The following NRG3 variants were observed in gnomAD, a reference collection of about 807,000 sequenced individuals.
NRG3 encodes pro-neuregulin-3, membrane-bound isoform.
A neutral mutation model predicts 66.9 loss-of-function variants in NRG3; 31 were observed. That is an observed-to-expected ratio of 0.46 (90% CI 0.35 to 0.63). The LOEUF (loss-of-function observed/expected upper bound fraction) is 0.63, where lower values mean the gene tolerates loss of function less well. Ranked by LOEUF, NRG3 falls within the 20% of genes least tolerant of loss-of-function variation. The probability of loss-of-function intolerance (pLI) is 0.00; values close to 1 mark genes in which losing one functional copy is unlikely to be tolerated. For synonymous variants in NRG3, 393 were observed against 359.4 expected, an observed-to-expected ratio of 1.09 and a Z score of -1.06; for missense variants, 910 against 878.9, an observed-to-expected ratio of 1.04 and a Z score of -0.45.
intron 1 of NRG3, chr10:81,877,949 G>A: frequency 6.5e-7 from 1 of 1,537,624 alleles, no homozygotes; most frequent in South Asian, 1.2e-5. Flanking sequence ...TTTTGATGCA[G>A]TTGATAGAAT....
intron 1 of NRG3, among the ~76,000 whole-genome samples, chr10:82,110,505 C>T (rs970861516): frequency 2.0e-5 from 3 of 151,920 alleles, no homozygotes; most frequent in East Asian, 1.9e-4. Flanking sequence ...GAGGTAACAA[C>T]GGAAACACAG....
At chr10:82,168,219 G>GT (rs1398034050) in intron 1 of NRG3, among the ~76,000 whole-genome samples, 1 of 152,024 alleles carries the variant, frequency 6.6e-6, no homozygotes, top group Non-Finnish European at 1.5e-5. Flanking sequence ...TCCCCTAAAT[G>GT]TTTGTCAACA....
At chr10:81,931,228 G>A (rs1298113132) in intron 1 of NRG3, among the ~76,000 whole-genome samples, 1 of 152,274 alleles carries the variant, frequency 6.6e-6, no homozygotes, top group Non-Finnish European at 1.5e-5. Flanking sequence ...AGGTCTTTCT[G>A]TTGACCAGCT....
chr10:82,981,411 C>T (rs960926654), intron 8 of NRG3, among the ~76,000 whole-genome samples: 3 of 152,192 alleles, frequency 2.0e-5, no homozygotes, highest in East Asian at 1.9e-4. Context: ...ATCTCATTCT[C>T]AGTTCTTAAA....
At chr10:82,906,758 T>C (rs1844773569) in intron 4 of NRG3, among the ~76,000 whole-genome samples, 1 of 152,182 alleles carries the variant, frequency 6.6e-6, no homozygotes, top group African/African-American at 2.4e-5. Context: ...TTTTCATCAT[T>C]CTTAAATGTC....
At chr10:82,533,484 G>A (rs1283728435) in intron 2 of NRG3, among the ~76,000 whole-genome samples, 1 of 150,780 alleles carries the variant, frequency 6.6e-6, no homozygotes, top group Non-Finnish European at 1.5e-5. Context: ...TAAGATAAAG[G>A]TCCAATTTCC....
At chr10:82,350,806 T>A (rs1305398057) in intron 1 of NRG3, among the ~76,000 whole-genome samples, 1 of 152,148 alleles carries the variant, frequency 6.6e-6, no homozygotes. Flanking sequence ...TAGAAAGGGT[T>A]TATCAATCTC....
intron 3 of NRG3, among the ~76,000 whole-genome samples, chr10:82,766,165 A>G (rs1031235660): frequency 2.6e-5 from 4 of 152,186 alleles, no homozygotes; most frequent in Admixed American, 1.3e-4. Flanking sequence ...ACATTTGTTG[A>G]TATTTTCTTG....
chr10:82,218,179 G>T (rs2075775791), intron 1 of NRG3, among the ~76,000 whole-genome samples: 1 of 152,136 alleles, frequency 6.6e-6, no homozygotes, highest in South Asian at 2.1e-4. Flanking sequence ...TAAATATGAT[G>T]AAGTCATTAA....
At position 82,979,066 on chromosome 10, in the gene NRG3, A is replaced by T. The variant is rs990368908; in HGVS notation, c.1529A>T (p.Tyr510Phe). ...CTAGGTGGAATTGTGGGACCAGCAT[A>T]TCAGCAACTCGAAGAATCAAGGATC... ...SRLGGIVGPA[Y>F]QQLEESRIPD... Residue 510 changes from tyrosine (Y) to phenylalanine (F), a missense_variant, in exon 8 of 9, where the codon TAT (tyrosine) becomes TTT (phenylalanine). Coordinates refer to ENST00000372141, the MANE Select transcript of NRG3 (RefSeq NM_001010848.4). The T allele has an allele frequency of 6.2e-7, 1 of 1,614,024 alleles. No individual in the cohort carries two copies. Among genetic ancestry groups the T allele is most frequent in the Admixed American group, 1.7e-5 (1 of 60,006 alleles).
At chr10:82,721,059 CTTT>C (rs1227222797) in intron 2 of NRG3, among the ~76,000 whole-genome samples, 1 of 134,038 alleles carries the variant, frequency 7.5e-6, no homozygotes, top group Non-Finnish European at 1.6e-5. Flanking sequence ...TTGCATTTTG[CTTT>C]TTTATTTTTA....
intron 2 of NRG3, among the ~76,000 whole-genome samples, chr10:82,600,621 C>T (rs757165066): frequency 3.3e-5 from 5 of 152,030 alleles, no homozygotes; most frequent in Non-Finnish European, 7.4e-5. Flanking sequence ...AGGCATGCAC[C>T]ACCACACTGG....
chr10:82,141,345 C>T (rs2069770042), intron 1 of NRG3, among the ~76,000 whole-genome samples: 1 of 152,154 alleles, frequency 6.6e-6, no homozygotes, highest in South Asian at 2.1e-4. Flanking sequence ...TAGGGTCGAC[C>T]TTCCCTGCTG....
chr10:81,919,189 G>C (rs1033336671), intron 1 of NRG3, among the ~76,000 whole-genome samples: 1 of 152,204 alleles, frequency 6.6e-6, no homozygotes, highest in South Asian at 2.1e-4. Flanking sequence ...ATGGGACTAG[G>C]GGATAGAGCA....
chr10:82,854,484 G>A (rs2063712291), intron 3 of NRG3, among the ~76,000 whole-genome samples: 1 of 152,162 alleles, frequency 6.6e-6, no homozygotes, highest in South Asian at 2.1e-4. Context: ...ATCTTTCAGT[G>A]ATTTCCTATG....
intron 1 of NRG3, among the ~76,000 whole-genome samples, chr10:82,031,568 CTTTT>C (rs766798061): frequency 6.6e-6 from 1 of 151,906 alleles, no homozygotes; most frequent in Non-Finnish European, 1.5e-5. Context: ...TAAAAAAATT[CTTTT>C]TTTAACAAAA....
At chr10:82,585,534 C>G (rs1257502674) in intron 2 of NRG3, among the ~76,000 whole-genome samples, 1 of 152,112 alleles carries the variant, frequency 6.6e-6, no homozygotes, top group Non-Finnish European at 1.5e-5. Flanking sequence ...AGACCACCCA[C>G]CCCTCTTCTC....
chr10:82,874,578 T>C (rs1841638980), intron 4 of NRG3, among the ~76,000 whole-genome samples: 1 of 152,182 alleles, frequency 6.6e-6, no homozygotes, highest in Non-Finnish European at 1.5e-5. Flanking sequence ...TAGTGTGCCC[T>C]TTGCCATGTT....
chr10:82,422,516 A>G (rs149664696), intron 2 of NRG3, among the ~76,000 whole-genome samples: 1 of 152,120 alleles, frequency 6.6e-6, no homozygotes. Flanking sequence ...GCAAAAAAAA[A>G]TTATCTTTTA....
Sources: allele counts gnomAD v4.1 joint callset (sites outside exome capture counted in the v4.1 genomes callset), GRCh38; gene constraint gnomAD v4.1.1; transcripts MANE v1.5; gene names NCBI Gene and HGNC (gene_info 2026-07-23, HGNC 2026-07-21).